COL14A1: variants seen among roughly 807,000 people sequenced by gnomAD.
The protein encoded by COL14A1 is collagen type XIV alpha 1 chain.
A neutral mutation model predicts 230.3 loss-of-function variants in COL14A1; 136 were observed. The observed-to-expected ratio is 0.59, with a 90% CI of 0.51 to 0.68. The LOEUF (loss-of-function observed/expected upper bound fraction) is 0.68. Ranked by LOEUF, COL14A1 falls within the 30% of genes least tolerant of loss-of-function variation. The pLI, the probability that COL14A1 is intolerant of heterozygous loss-of-function variation, is 0.00. For missense variants in COL14A1, 1,976 were observed against 2,215.8 expected, an observed-to-expected ratio of 0.89 and a Z score of 2.17; for synonymous variants, 792 against 784.1, an observed-to-expected ratio of 1.01 and a Z score of -0.17.
chr8:120,228,795 A>G, intron 18 of COL14A1, 26 bp downstream of exon 18: 3 of 1,601,660 alleles, frequency 1.9e-6, no homozygotes, highest in Non-Finnish European at 2.6e-6. Flanking sequence ...AGCCTGCTTA[A>G]CCACTTTAAA....
At chr8:120,270,376 G>A (rs1819623164) in intron 26 of COL14A1, among the ~76,000 whole-genome samples, 1 of 151,650 alleles carries the variant, frequency 6.6e-6, no homozygotes. Flanking sequence ...CTTAAAAGGT[G>A]TTGAGTTCGG....
chr8:120,239,635 C>A (rs909529720), intron 19 of COL14A1, among the ~76,000 whole-genome samples: 1 of 151,976 alleles, frequency 6.6e-6, no homozygotes, highest in African/African-American at 2.4e-5. Flanking sequence ...TTCACTCAGA[C>A]CATACACTTC....
In COL14A1 at chr8:120,332,022, T is replaced by C. The variant is rs1366264492; in HGVS notation, c.4660-119T>C. ...GAAGAGTTTAAAGGCAGTGAATCCT[T>C]GGTAGTCCAGAGCAAGCAGCAGGAC... On this transcript the variant is annotated intron_variant, in intron 40 of 47. Coordinates refer to ENST00000297848, the MANE Select transcript of COL14A1 (RefSeq NM_021110.4). 13 of 825,436 alleles carry C rather than the reference T, an allele frequency of 1.6e-5. No homozygotes were observed. The East Asian group carries it at 3.2e-4, about 20-fold the overall frequency. The allele number at this position is 825,436 out of a possible 1,614,324, so 51.1% of individuals were successfully genotyped here. A position where few individuals can be genotyped will look rare whatever the true frequency, so the allele number is the denominator to read the frequency against.
intron 42 of COL14A1, among the ~76,000 whole-genome samples, chr8:120,337,077 C>T (rs1822103692): frequency 6.6e-6 from 1 of 152,082 alleles, no homozygotes; most frequent in African/African-American, 2.4e-5. Flanking sequence ...ATAGAGAGTA[C>T]TTAATATGTA....
intron 47 of COL14A1, chr8:120,370,428 G>A (rs1392306934): frequency 2.5e-6 from 4 of 1,594,674 alleles, no homozygotes; most frequent in Non-Finnish European, 2.6e-6. Context: ...ATACAGAACT[G>A]TCCTGTCAAC....
At chr8:120,334,618 A>ACACACACACC (rs1357689421) in intron 42 of COL14A1, among the ~76,000 whole-genome samples, 1 of 150,082 alleles carries the variant, frequency 6.7e-6, no homozygotes, top group Non-Finnish European at 1.5e-5. Context: ...ACACACACAC[A>ACACACACACC]CCTGTCTTCA....
At chr8:120,316,192 C>T (rs1020081589) in intron 40 of COL14A1, among the ~76,000 whole-genome samples, 195 bp downstream of exon 40, 2 of 152,192 alleles carry the variant, frequency 1.3e-5, no homozygotes, top group Admixed American at 1.3e-4. Flanking sequence ...TCGTCAAACC[C>T]TAGGAACTTT....
chr8:120,272,028 G>A (rs1414624360), intron 26 of COL14A1, among the ~76,000 whole-genome samples: 5 of 151,494 alleles, frequency 3.3e-5, no homozygotes, highest in African/African-American at 4.8e-5. Context: ...AAATGGATTT[G>A]GAATATATTG....
intron 40 of COL14A1, among the ~76,000 whole-genome samples, chr8:120,321,061 A>G (rs1821421504): frequency 6.6e-6 from 1 of 152,210 alleles, no homozygotes; most frequent in South Asian, 2.1e-4. Flanking sequence ...CCACAAAATT[A>G]TATTAGTAAA....
chr8:120,321,834 C>G (rs1821459351), intron 40 of COL14A1, among the ~76,000 whole-genome samples: 1 of 152,106 alleles, frequency 6.6e-6, no homozygotes, highest in East Asian at 1.9e-4. Context: ...TATACAGATT[C>G]CTGGACTTCA....
At chr8:120,318,848 C>T (rs941676311) in intron 40 of COL14A1, among the ~76,000 whole-genome samples, 1 of 152,152 alleles carries the variant, frequency 6.6e-6, no homozygotes, top group African/African-American at 2.4e-5. Flanking sequence ...TTCCAGAAAA[C>T]TCCCCAGTCA....
chr8:120,259,890 G>C (rs745544594), intron 23 of COL14A1, among the ~76,000 whole-genome samples: 57 of 152,064 alleles, frequency 3.7e-4, no homozygotes, highest in Admixed American at 3.3e-4. Context: ...GGGTCAAAAA[G>C]AAACAGTTAT....
chr8:120,262,720 T>C (rs1819377285), intron 23 of COL14A1, 148 bp from the exon 24 acceptor site: 3 of 691,796 alleles, frequency 4.3e-6, no homozygotes, highest in South Asian at 2.4e-5. Flanking sequence ...TGGAAGAAGA[T>C]ACAATACTTC....
chr8:120,261,790 C>G lies in COL14A1; in HGVS notation c.2870-1078C>G, dbSNP rs28669978. Among the ~76,000 whole-genome samples the G allele has an allele frequency of 1.6e-4, 24 of 152,190 alleles. 1 individual carries two copies. Among genetic ancestry groups the G allele is most frequent in the Admixed American group, 1.6e-3 (24 of 15,268 alleles). On this transcript the variant is annotated intron_variant, in intron 23 of 47. Transcript: ENST00000297848. ...CCTATGCTATGTAAGCACCATGTCC[C>G]TTTTCCTCAATTAAAGGATTTTCAG...
At chr8:120,185,929 C>A (rs1458566080) in intron 5 of COL14A1, among the ~76,000 whole-genome samples, 2 of 152,096 alleles carry the variant, frequency 1.3e-5, no homozygotes, top group African/African-American at 2.4e-5. Context: ...CCTGCCACCA[C>A]GACCAGCTAA....
rs566191282 is a variant in COL14A1, at chr8:120,319,413, G to A, written c.4659+3416G>A. On this transcript the variant is annotated intron_variant, in intron 40 of 47. Coordinates refer to ENST00000297848, the MANE Select transcript of COL14A1 (RefSeq NM_021110.4). ...TGGTCTCAAACACCTGGCTTCAAGC[G>A]ATTCTCCTGCCTCAGCCTCCCAAGG... Among the ~76,000 whole-genome samples, 12 of 152,036 alleles carry A rather than the reference G, an allele frequency of 7.9e-5. No homozygotes were observed. In the South Asian group the frequency reaches 2.1e-3, roughly 26 times the overall value.
rs898060165 is a variant in COL14A1, at chr8:120,329,584, G to A, written c.4660-2557G>A. On this transcript the variant is annotated intron_variant, in intron 40 of 47. Transcript: ENST00000297848. ...ATTGTGCCACTGCACTCCAGCCTGG[G>A]TGACAGAGCAAGACTGTCTCAAAAA... Among the ~76,000 whole-genome samples the A allele has an allele frequency of 2.0e-5, 3 of 152,218 alleles. No homozygotes were observed. In the East Asian group the frequency reaches 5.8e-4, roughly 29 times the overall value.
rs1218179517 is a variant in COL14A1, at chr8:120,250,643, G to A, written c.2629G>A (p.Val877Met). The A allele has an allele frequency of 1.2e-6, 2 of 1,614,072 alleles. No homozygotes were observed. Among genetic ancestry groups the A allele is most frequent in the Admixed American group, 1.7e-5 (1 of 60,012 alleles). Residue 877 changes from valine (V) to methionine (M), a missense_variant, in exon 22 of 48, where the codon GTG becomes ATG. Physicochemically the swap from Val to Met is conservative, Grantham distance 21. This residue lies in a region of COL14A1 where 1,791 missense variants were observed against 2,019.5 expected (regional missense o/e 0.89). Coordinates refer to ENST00000297848, the MANE Select transcript of COL14A1 (RefSeq NM_021110.4). ...SVPGPTLETFVGADINTILIT... is the reference protein window; with the variant it reads ...SVPGPTLETFMGADINTILIT... Reference sequence around the variant, plus strand: ...TCCTGGTCCAACACTGGAAACGTTTGTGGGAGCTGACATTAACACCATCCT... The same window carrying A: ...TCCTGGTCCAACACTGGAAACGTTTATGGGAGCTGACATTAACACCATCCT...
Position 120,208,279 on chromosome 8 carries a change from G to T in COL14A1, c.1239G>T (p.Met413Ile), listed in dbSNP as rs61754504. The stretch of plus-strand genomic sequence containing the variant: ...CTTCCACAGTGTTGAAAAACTTGAT[G>T]TCTTTAACTGAATATCAGATAGCAG... ...TVSSTVLKNLMSLTEYQIAVF... is the reference protein window; with the variant it reads ...TVSSTVLKNLISLTEYQIAVF... The change falls in exon 11 of 48, where the codon ATG (methionine) becomes ATT (isoleucine). Residue 413 changes from methionine to isoleucine, a missense_variant. Around this residue, in one of 3 missense-constraint regions of COL14A1, gnomAD observed 1,791 missense variants for 2,019.5 expected, o/e 0.89. Coordinates refer to ENST00000297848, the MANE Select transcript of COL14A1 (RefSeq NM_021110.4). The T allele has an allele frequency of 1.7e-5, 27 of 1,613,450 alleles. No individual in the cohort carries two copies. Among genetic ancestry groups the T allele is most frequent in the Admixed American group, 1.5e-4 (9 of 59,960 alleles).
Sources: gnomAD v4.1 joint callset for allele counts (sites outside exome capture counted in the v4.1 genomes callset) on GRCh38, gnomAD v4.1.1 for gene constraint, gnomAD v4.1.1 regional missense constraint, MANE v1.5 for transcripts, NCBI Gene and HGNC (gene_info 2026-07-23, HGNC 2026-07-21) for gene names.